NAV1: variants seen among roughly 807,000 people sequenced by gnomAD.
NAV1 encodes pore membrane and/or filament interacting like protein 3.
NAV1 carries 18 observed loss-of-function variants against 175.2 expected under a neutral mutation model. The ratio of observed to expected loss-of-function variants is 0.10; its 90% confidence interval spans 0.07 to 0.15. The LOEUF (loss-of-function observed/expected upper bound fraction) is 0.15, where lower values mean the gene tolerates loss of function less well. Ranked by LOEUF, NAV1 falls within the 10% of genes least tolerant of loss-of-function variation. NAV1 has a pLI of 1.00. For synonymous variants in NAV1, 897 were observed against 978.7 expected, an observed-to-expected ratio of 0.92 and a Z score of 1.56; for missense variants, 1,731 against 2,436.6, an observed-to-expected ratio of 0.71 and a Z score of 6.10.
At chr1:201,791,438 G>A (rs527243203) in intron 13 of NAV1, 4 of 152,264 alleles carry the variant, frequency 2.6e-5, no homozygotes, top group African/African-American at 9.6e-5. Flanking sequence ...GACATGGGGA[G>A]AAATGAAGCC....
chr1:201,757,673 C>T (rs1461765770), intron 3 of NAV1, among the ~76,000 whole-genome samples: 1 of 152,230 alleles, frequency 6.6e-6, no homozygotes, highest in Non-Finnish European at 1.5e-5. Context: ...GGGGCATCTG[C>T]CATTAACCTG....
intron 2 of NAV1, among the ~76,000 whole-genome samples, chr1:201,607,757 G>A (rs549431800): frequency 6.6e-6 from 1 of 152,310 alleles, no homozygotes; most frequent in Non-Finnish European, 1.5e-5. Flanking sequence ...CTCCCAAAGT[G>A]CTGGGATTAT....
intron 1 of NAV1, among the ~76,000 whole-genome samples, chr1:201,567,722 G>C (rs951689228): frequency 3.5e-4 from 54 of 152,268 alleles, no homozygotes; most frequent in African/African-American, 1.3e-3. Flanking sequence ...GGTGGAGACT[G>C]TCTCTCCAAC....
At chr1:201,665,368 T>C (rs1483046966) in intron 1 of NAV1, among the ~76,000 whole-genome samples, 6 of 152,180 alleles carry the variant, frequency 3.9e-5, no homozygotes. Context: ...TGTCAGTTCC[T>C]GGAGCTCACT....
At chr1:201,594,320 G>A (rs761865166) in intron 2 of NAV1, among the ~76,000 whole-genome samples, 2 of 152,158 alleles carry the variant, frequency 1.3e-5, no homozygotes, top group African/African-American at 2.4e-5. Flanking sequence ...CAGGGTTGGG[G>A]CTCAGCATGA....
At chr1:201,746,258 A>G (rs1317461050) in intron 3 of NAV1, among the ~76,000 whole-genome samples, 1 of 152,240 alleles carries the variant, frequency 6.6e-6, no homozygotes, top group Non-Finnish European at 1.5e-5. Context: ...CTTAGTAATG[A>G]TCTTTTGATG....
intron 5 of NAV1, 84 bp downstream of exon 9, chr1:201,781,393 A>T (rs1043245934): frequency 8.2e-6 from 11 of 1,335,314 alleles, no homozygotes; most frequent in Non-Finnish European, 8.1e-6. Context: ...AACCCATAGG[A>T]TGATAGCAAA....
upstream of NAV1, among the ~76,000 whole-genome samples, chr1:201,646,790 A>C (rs545853101): frequency 2.0e-5 from 3 of 152,268 alleles, no homozygotes; most frequent in Admixed American, 6.5e-5. Context: ...ACAGAGTTGC[A>C]ACACCTGCTC....
At chr1:201,717,809 T>C (rs1229270495) in intron 2 of NAV1, among the ~76,000 whole-genome samples, 1 of 152,218 alleles carries the variant, frequency 6.6e-6, no homozygotes, top group African/African-American at 2.4e-5. Flanking sequence ...TACTTCAGCT[T>C]TCCTATATAT....
chr1:201,621,215 C>T (rs1308836037), upstream of NAV1, among the ~76,000 whole-genome samples: 4 of 152,094 alleles, frequency 2.6e-5, no homozygotes, highest in African/African-American at 9.7e-5. Flanking sequence ...CCACTGTGCC[C>T]CACCTGCCCT....
chr1:201,666,895 C>T (rs1018354842), intron 1 of NAV1, among the ~76,000 whole-genome samples: 17 of 151,950 alleles, frequency 1.1e-4, no homozygotes, highest in African/African-American at 4.1e-4. Flanking sequence ...CACCATGTTC[C>T]GTGGTAGGAT....
At chr1:201,674,574 T>G (rs904093348) in intron 1 of NAV1, among the ~76,000 whole-genome samples, 26 of 152,356 alleles carry the variant, frequency 1.7e-4, no homozygotes, top group Admixed American at 5.2e-4. Context: ...ATGTTTCTAC[T>G]GGCTGTATAG....
chr1:201,783,741 TC>T lies in NAV1; in HGVS notation c.2697del (p.Ser900AlafsTer23), dbSNP rs1263756547. On this transcript the variant is annotated frameshift_variant, in exon 7 of 30. Coordinates refer to ENST00000367296, the Ensembl canonical transcript of NAV1. LOFTEE classifies it high-confidence loss of function. ...ATGCCAATGAGCCTCCCCAGTGCCTTCCCCAGCAGTACTCCCGTCCCCACCC... is the reference window on the plus strand; with the variant it reads ...ATGCCAATGAGCCTCCCCAGTGCCTTCCCAGCAGTACTCCCGTCCCCACCC... 1 of 1,613,984 alleles carries T rather than the reference TC, an allele frequency of 6.2e-7. No individual in the cohort carries two copies. Among genetic ancestry groups the T allele is most frequent in the East Asian group, 2.2e-5 (1 of 44,888 alleles).
upstream of NAV1, among the ~76,000 whole-genome samples, chr1:201,647,800 C>G (rs893466931): frequency 6.6e-6 from 1 of 152,016 alleles, no homozygotes; most frequent in African/African-American, 2.4e-5. Context: ...ACCCCTCTCC[C>G]GACATCTCTC....
chr1:201,762,177 A>G (rs1674905774), intron 3 of NAV1, among the ~76,000 whole-genome samples: 1 of 152,164 alleles, frequency 6.6e-6, no homozygotes, highest in Admixed American at 6.6e-5. Flanking sequence ...CAAACAAACA[A>G]AAAACCCAAA....
At chr1:201,736,933 C>T (rs1020282063) in intron 3 of NAV1, among the ~76,000 whole-genome samples, 2 of 151,976 alleles carry the variant, frequency 1.3e-5, no homozygotes, top group African/African-American at 4.8e-5. Context: ...CCACTCCCTG[C>T]ACCCCAGGCT....
At chr1:201,683,206 T>C (rs1670533564) in intron 1 of NAV1, among the ~76,000 whole-genome samples, 1 of 152,232 alleles carries the variant, frequency 6.6e-6, no homozygotes, top group Non-Finnish European at 1.5e-5. Context: ...CAGAATGTCC[T>C]GCAGTGGTTT....
chr1:201,613,673 G>A (rs1667917662), intron 2 of NAV1, among the ~76,000 whole-genome samples: 1 of 152,068 alleles, frequency 6.6e-6, no homozygotes, highest in African/African-American at 2.4e-5. Flanking sequence ...GACCAGCCTG[G>A]CCAACATGGA....
intron 2 of NAV1, among the ~76,000 whole-genome samples, chr1:201,714,376 C>G (rs1052704029): frequency 5.9e-5 from 9 of 152,224 alleles, no homozygotes; most frequent in African/African-American, 2.2e-4. Flanking sequence ...TATCCCCAGC[C>G]CATGCCCGCA....
Sources: allele counts gnomAD v4.1 joint callset (sites outside exome capture counted in the v4.1 genomes callset), GRCh38; gene constraint gnomAD v4.1.1; transcripts MANE v1.5; gene names NCBI Gene and HGNC (gene_info 2026-07-23, HGNC 2026-07-21).